TRPC5: variants seen among roughly 807,000 people sequenced by gnomAD.
TRPC5 encodes transient receptor potential cation channel subfamily C member 5, also known as short transient receptor potential channel 5.
In TRPC5, 9 loss-of-function variants were observed where a neutral mutation model predicts 56.5. That is an observed-to-expected ratio of 0.16 (90% confidence interval 0.10 to 0.28). The LOEUF is 0.28. Among genes scored for constraint, TRPC5 ranks in the 10% least tolerant of loss-of-function variants. The pLI, the probability that TRPC5 is intolerant of heterozygous loss-of-function variation, is 1.00. For synonymous variants in TRPC5, 282 were observed against 278.5 expected, an observed-to-expected ratio of 1.01 and a Z score of -0.13; for missense variants, 469 against 748.9, an observed-to-expected ratio of 0.63 and a Z score of 4.36.
chrX:111,925,931 G>T (rs1164683591), intron 2 of TRPC5, among the ~76,000 whole-genome samples: 1 of 111,352 alleles, frequency 9.0e-6, no homozygotes, highest in East Asian at 2.8e-4. Flanking sequence ...TTGTTGTGGG[G>T]GACTGTTCCG....
At chrX:111,955,650 C>T (rs907264545) in intron 1 of TRPC5, among the ~76,000 whole-genome samples, 2 of 111,904 alleles carry the variant, frequency 1.8e-5, no homozygotes, top group African/African-American at 3.2e-5. Flanking sequence ...AGCCACTTGA[C>T]CCTCACTCAT....
At chrX:111,993,009 A>T (rs1928404159) in intron 1 of TRPC5, among the ~76,000 whole-genome samples, 1 of 110,439 alleles carries the variant, frequency 9.1e-6, no homozygotes, top group Non-Finnish European at 1.9e-5. Context: ...CCATCAACTC[A>T]TCATTTACAT....
At position 112,081,952 on chromosome X, in the gene TRPC5, G is replaced by A. The variant is rs1177495460; in HGVS notation, c.-95C>T. 9.0e-6 allele frequency: 1 copy of A among 111,640 alleles called. No individual in the cohort carries two copies. The highest frequency in any genetic ancestry group is 3.3e-5 in the African/African-American group (1 of 30,580). 9.2% of individuals were successfully genotyped at this position (111,640 alleles called of 1,213,427 possible). ...CACCGGCCAGGATGCGTGGTGCGGC[G>A]CCTTGCCGGACTCCTCTTTTGCGGC... On this transcript the variant is annotated 5_prime_UTR_variant, in exon 1 of 11. Transcript: ENST00000262839.
At chrX:111,920,310 G>C (rs943385581) in intron 2 of TRPC5, among the ~76,000 whole-genome samples, 2 of 110,664 alleles carry the variant, frequency 1.8e-5, no homozygotes, top group Non-Finnish European at 3.8e-5. Flanking sequence ...TTAATCAAAA[G>C]CAAACTCCCC....
At chrX:111,993,723 T>A (rs1220660046) in intron 1 of TRPC5, among the ~76,000 whole-genome samples, 2 of 112,499 alleles carry the variant, frequency 1.8e-5, no homozygotes, top group African/African-American at 6.5e-5. Context: ...TCTGTTTGTA[T>A]CCTTTGCCCA....
chrX:112,035,321 G>C (rs774831625), intron 1 of TRPC5, among the ~76,000 whole-genome samples: 4 of 110,786 alleles, frequency 3.6e-5, no homozygotes, highest in Non-Finnish European at 7.5e-5. Context: ...TGGAAAGCTA[G>C]AGTCATCCAT....
chrX:111,963,183 AC>A (rs998707466), intron 1 of TRPC5, among the ~76,000 whole-genome samples: 44 of 112,155 alleles, frequency 3.9e-4, no homozygotes, highest in African/African-American at 1.3e-3. Flanking sequence ...TATATCCCGC[AC>A]ATGGCTCAGA....
At chrX:111,868,713 C>G (rs1354993541) in intron 3 of TRPC5, among the ~76,000 whole-genome samples, 2 of 111,510 alleles carry the variant, frequency 1.8e-5, no homozygotes, top group Non-Finnish European at 3.8e-5. Context: ...TGAGTCGTCC[C>G]CTATACCAGA....
intron 3 of TRPC5, among the ~76,000 whole-genome samples, chrX:111,869,779 A>C (rs1055693082): frequency 1.8e-5 from 2 of 111,180 alleles, no homozygotes; most frequent in Non-Finnish European, 3.8e-5. Flanking sequence ...GGGTGGTAGG[A>C]GCTCACTGCC....
In TRPC5 at chrX:111,937,288, G is replaced by T. The variant is rs1473765149; in HGVS notation, c.378+14755C>A. 7.3e-4 allele frequency among the ~76,000 whole-genome samples: 75 copies of T among 103,162 alleles called. 2 individuals are homozygous for T. The highest frequency in any genetic ancestry group is 9.7e-3 in the Middle Eastern group (2 of 206). 89.6% of individuals were successfully genotyped at this position (103,162 alleles called of 115,157 possible). On this transcript the variant is annotated intron_variant, in intron 2 of 10. Transcript: ENST00000262839. Reference sequence around the variant, plus strand: ...GGTTGCGAAAATTTTCTCCCATTTTGTAGGTTGCCTGTTCACTCTGATGGT... The same window carrying T: ...GGTTGCGAAAATTTTCTCCCATTTTTTAGGTTGCCTGTTCACTCTGATGGT...
intron 1 of TRPC5, among the ~76,000 whole-genome samples, chrX:112,071,004 A>G (rs1930705604): frequency 9.0e-6 from 1 of 111,453 alleles, no homozygotes; most frequent in South Asian, 3.8e-4. Flanking sequence ...GTTGGGCTTG[A>G]TAAGTGACTC....
At chrX:111,934,512 C>G (rs1386973083) in intron 2 of TRPC5, among the ~76,000 whole-genome samples, 2 of 110,844 alleles carry the variant, frequency 1.8e-5, no homozygotes, top group African/African-American at 6.6e-5. Context: ...TTAAAATGTA[C>G]CGTAAAATAT....
chrX:111,960,341 C>T (rs1362373701), intron 1 of TRPC5, among the ~76,000 whole-genome samples: 1 of 112,010 alleles, frequency 8.9e-6, no homozygotes, highest in Non-Finnish European at 1.9e-5. Flanking sequence ...TAAGCTTTTT[C>T]CTCTCCTTCT....
intron 1 of TRPC5, among the ~76,000 whole-genome samples, chrX:112,051,293 T>C (rs914165435): frequency 2.7e-5 from 3 of 112,394 alleles, no homozygotes; most frequent in Non-Finnish European, 3.7e-5. Context: ...CTGCTGCTAG[T>C]ATGTGGGTGC....
chrX:112,009,303 T>A (rs1928928677), intron 1 of TRPC5, among the ~76,000 whole-genome samples: 1 of 111,675 alleles, frequency 9.0e-6, no homozygotes, highest in Admixed American at 9.5e-5. Flanking sequence ...TTTCCTCCTG[T>A]AGGGTCTTGC....
intron 7 of TRPC5, among the ~76,000 whole-genome samples, chrX:111,823,782 G>C (rs1922103506): frequency 9.0e-6 from 1 of 111,265 alleles, no homozygotes; most frequent in Non-Finnish European, 1.9e-5. Context: ...CAGTCAGCAA[G>C]TTAGTCAACC....
chrX:111,953,500 A>G (rs1324134403), intron 1 of TRPC5, among the ~76,000 whole-genome samples: 4 of 111,624 alleles, frequency 3.6e-5, no homozygotes, highest in African/African-American at 1.3e-4. Context: ...AACTCCCTGT[A>G]GCATCCCTGT....
intron 3 of TRPC5, among the ~76,000 whole-genome samples, 158 bp downstream of exon 3, chrX:111,912,133 G>A (rs980316031): frequency 9.0e-6 from 1 of 111,704 alleles, no homozygotes; most frequent in African/African-American, 3.3e-5. Context: ...AATACAAAAA[G>A]GTTGTCTGTG....
intron 7 of TRPC5, among the ~76,000 whole-genome samples, chrX:111,808,982 T>C (rs774045277): frequency 4.2e-4 from 46 of 110,250 alleles, no homozygotes; most frequent in African/African-American, 1.5e-3. Context: ...CTCAGGACTC[T>C]GCCCAGTGCC....
Sources: allele counts gnomAD v4.1 joint callset (sites outside exome capture counted in the v4.1 genomes callset), GRCh38; gene constraint gnomAD v4.1.1; transcripts MANE v1.5; gene names NCBI Gene and HGNC (gene_info 2026-07-23, HGNC 2026-07-21).